SH3GL2: variants seen among roughly 807,000 people sequenced by gnomAD.
SH3GL2 encodes endophilin-A1.
In SH3GL2, 24 loss-of-function variants were observed where a neutral mutation model predicts 46.0. The ratio of observed to expected loss-of-function variants is 0.52; its 90% CI spans 0.38 to 0.73. The LOEUF (loss-of-function observed/expected upper bound fraction) is 0.73. SH3GL2 is among the 30% of genes least tolerant of loss of function. The pLI is 0.00. For missense variants in SH3GL2, 413 were observed against 424.2 expected, an observed-to-expected ratio of 0.97 and a Z score of 0.23; for synonymous variants, 196 against 147.1, an observed-to-expected ratio of 1.33 and a Z score of -2.40.
intron 1 of SH3GL2, among the ~76,000 whole-genome samples, chr9:17,670,514 G>C (rs771633588): frequency 6.6e-6 from 1 of 152,098 alleles, no homozygotes; most frequent in East Asian, 1.9e-4. Flanking sequence ...GCTCCTAATA[G>C]CTTTTCAAGT....
intron 1 of SH3GL2, among the ~76,000 whole-genome samples, chr9:17,597,820 C>G (rs554842002): frequency 1.3e-5 from 2 of 152,300 alleles, no homozygotes; most frequent in African/African-American, 4.8e-5. Flanking sequence ...TGATCTGACC[C>G]TGGCCTCTCC....
At chr9:17,738,575 T>TAGAGAGAGAGAG (rs142654925) in intron 1 of SH3GL2, among the ~76,000 whole-genome samples, 1 of 108,258 alleles carries the variant, frequency 9.2e-6, no homozygotes, top group Admixed American at 9.4e-5. Flanking sequence ...CATATATATA[T>TAGAGAGAGAGAG]AGAGAGAGAG....
chr9:17,773,564 T>G (rs1331464881), intron 3 of SH3GL2, among the ~76,000 whole-genome samples: 1 of 152,134 alleles, frequency 6.6e-6, no homozygotes, highest in Non-Finnish European at 1.5e-5. Context: ...TTGAAAAGAC[T>G]ATTATTTCTC....
At chr9:17,666,340 T>C (rs569019440) in intron 1 of SH3GL2, among the ~76,000 whole-genome samples, 11 of 152,142 alleles carry the variant, frequency 7.2e-5, no homozygotes, top group African/African-American at 2.6e-4. Flanking sequence ...AACAGTATGG[T>C]TTCAAAAATG....
intron 3 of SH3GL2, among the ~76,000 whole-genome samples, chr9:17,771,041 A>C (rs1378032653): frequency 6.6e-6 from 1 of 152,242 alleles, no homozygotes. Context: ...GTTTGAAGCC[A>C]CTGAGTTTGT....
chr9:17,622,396 C>G (rs1357877971), intron 1 of SH3GL2, among the ~76,000 whole-genome samples: 1 of 152,120 alleles, frequency 6.6e-6, no homozygotes, highest in East Asian at 1.9e-4. Context: ...CAGTAGCATT[C>G]TTCCAAGGGG....
At chr9:17,627,937 A>G (rs1326731245) in intron 1 of SH3GL2, among the ~76,000 whole-genome samples, 1 of 152,114 alleles carries the variant, frequency 6.6e-6, no homozygotes, top group Non-Finnish European at 1.5e-5. Flanking sequence ...TAACCTCTTC[A>G]TGTCTCGGGC....
chr9:17,690,122 C>T (rs1359469134), intron 1 of SH3GL2, among the ~76,000 whole-genome samples: 1 of 152,080 alleles, frequency 6.6e-6, no homozygotes, highest in East Asian at 1.9e-4. Context: ...CTTTGTTTCC[C>T]TTCTGGATTG....
chr9:17,623,551 G>A (rs1013465900), intron 1 of SH3GL2, among the ~76,000 whole-genome samples: 6 of 152,138 alleles, frequency 3.9e-5, no homozygotes, highest in African/African-American at 1.4e-4. Context: ...CATGAAAAAT[G>A]TAATCGGAGA....
At position 17,734,628 on chromosome 9, in the gene SH3GL2, A is replaced by T. The variant is rs533336399; in HGVS notation, c.46-12438A>T. Among the ~76,000 whole-genome samples the T allele has an allele frequency of 9.7e-4, 148 of 152,294 alleles. No individual in the cohort carries two copies. The South Asian group carries it at 0.015, about 15-fold the overall frequency. ...GAAATATTATTCAGCCATAAAAGGA[A>T]TGAAGCAGTGATACATGTCACAACA... On this transcript the variant is annotated intron_variant, in intron 1 of 8. Coordinates refer to ENST00000380607, the MANE Select transcript of SH3GL2 (RefSeq NM_003026.5).
intron 1 of SH3GL2, among the ~76,000 whole-genome samples, chr9:17,690,142 C>T (rs1241196624): frequency 1.3e-5 from 2 of 152,114 alleles, no homozygotes; most frequent in African/African-American, 4.8e-5. Context: ...GCCAAAACTG[C>T]AGCAGTTGTA....
chr9:17,699,033 C>CA (rs1821277680), intron 1 of SH3GL2, among the ~76,000 whole-genome samples: 1 of 151,058 alleles, frequency 6.6e-6, no homozygotes, highest in Non-Finnish European at 1.5e-5. Flanking sequence ...TGCGTGCCTG[C>CA]AGTCTCAGCT....
At chr9:17,652,104 G>C (rs945590711) in intron 1 of SH3GL2, among the ~76,000 whole-genome samples, 2 of 151,692 alleles carry the variant, frequency 1.3e-5, no homozygotes, top group Admixed American at 6.6e-5. Context: ...CACATTTCTG[G>C]CTTTATTCTC....
chr9:17,648,128 G>T (rs1398443971), intron 1 of SH3GL2, among the ~76,000 whole-genome samples: 1 of 152,176 alleles, frequency 6.6e-6, no homozygotes, highest in African/African-American at 2.4e-5. Context: ...TTATTGGCAA[G>T]TCTTCCAGTT....
intron 1 of SH3GL2, among the ~76,000 whole-genome samples, chr9:17,651,435 T>G (rs1315643594): frequency 6.6e-6 from 1 of 152,224 alleles, no homozygotes; most frequent in Non-Finnish European, 1.5e-5. Context: ...TTTGTTAGAT[T>G]AATTCCAAGA....
intron 1 of SH3GL2, among the ~76,000 whole-genome samples, chr9:17,597,384 G>T (rs1360965999): frequency 1.3e-5 from 2 of 152,088 alleles, no homozygotes; most frequent in African/African-American, 4.8e-5. Context: ...GGGTATGGTG[G>T]CACATGCCTG....
chr9:17,764,214 C>G (rs963766432), intron 3 of SH3GL2, among the ~76,000 whole-genome samples: 1 of 152,034 alleles, frequency 6.6e-6, no homozygotes, highest in Non-Finnish European at 1.5e-5. Context: ...TAAGTACTAC[C>G]CAGAAGAGTC....
chr9:17,701,392 G>A (rs1821339765), intron 1 of SH3GL2, among the ~76,000 whole-genome samples: 1 of 152,146 alleles, frequency 6.6e-6, no homozygotes, highest in Admixed American at 6.6e-5. Flanking sequence ...GTAGTGAGGG[G>A]AGAGGTGGTA....
rs151130991 is a variant in SH3GL2, at chr9:17,662,484, G to A, written c.45+83197G>A. ...GAAATACTATCATGCCTTTGGCCTC[G>A]TTGTTATTATTGAGCAACCTTGCAT... On this transcript the variant is annotated intron_variant, in intron 1 of 8. Transcript: ENST00000380607. Among the ~76,000 whole-genome samples the A allele has an allele frequency of 1.2e-3, 190 of 152,152 alleles. 6 individuals carry two copies. In the East Asian group the frequency reaches 0.027, roughly 22 times the overall value.
Sources: allele counts gnomAD v4.1 joint callset (sites outside exome capture counted in the v4.1 genomes callset), GRCh38; gene constraint gnomAD v4.1.1; transcripts MANE v1.5; gene names NCBI Gene and HGNC (gene_info 2026-07-23, HGNC 2026-07-21).